Variants in INSIG2 observed in about 807,000 individuals in gnomAD.
INSIG2 encodes the protein insulin-induced gene 2 protein.
In INSIG2, 10 loss-of-function variants were observed where a neutral mutation model predicts 27.2. The observed-to-expected ratio is 0.37, with a 90% confidence interval of 0.23 to 0.62. INSIG2 has a LOEUF of 0.62. Among genes scored for constraint, INSIG2 ranks in the 20% least tolerant of loss-of-function variants. The pLI is 0.65. For synonymous variants in INSIG2, 97 were observed against 95.8 expected (o/e 1.01, Z -0.07); for missense variants, 178 against 270.2 (o/e 0.66, Z 2.39).
Position 118,110,654 on chromosome 2 carries a change from T to C in INSIG2, c.*2332T>C, listed in dbSNP as rs139239474. 1.1e-4 allele frequency: 16 copies of C among 152,358 alleles called. No homozygotes were observed. In the East Asian group the frequency reaches 2.9e-3, roughly 28 times the overall value. 9.4% of individuals were successfully genotyped at this position (152,358 alleles called of 1,614,324 possible). A position where few individuals can be genotyped will look rare whatever the true frequency, so the allele number is the denominator to read the frequency against. ...CAAAAAATAAAATTGTTTTGAAATT[T>C]TGATAAATATATAAATGTATAGAAC... is the stretch of plus-strand genomic sequence containing the variant. On this transcript the variant is annotated 3_prime_UTR_variant, in exon 6 of 6. Coordinates refer to ENST00000245787, the MANE Select transcript of INSIG2 (RefSeq NM_016133.4).
chr2:118,088,855 T>TG (rs1216504056), intron 1 of INSIG2, among the ~76,000 whole-genome samples: 1 of 152,074 alleles, frequency 6.6e-6, no homozygotes, highest in Non-Finnish European at 1.5e-5. Context: ...GGCGACCCAA[T>TG]GGTCTGATGA....
intron 2 of INSIG2, among the ~76,000 whole-genome samples, chr2:118,101,590 G>A (rs1195819873): frequency 6.6e-6 from 1 of 152,032 alleles, no homozygotes. Flanking sequence ...GGATGGGGGT[G>A]ACAAATGAGC....
rs552254676 is a variant in INSIG2 at position 118,103,118 on chromosome 2, G to A, written c.245-79G>A. 5 of 1,101,416 alleles carry A rather than the reference G, an allele frequency of 4.5e-6. No homozygotes were observed. The Admixed American group carries it at 9.5e-5, about 21-fold the overall frequency. 68.2% of individuals were successfully genotyped at this position (1,101,416 alleles called of 1,614,324 possible). On this transcript the variant is annotated intron_variant, in intron 2 of 5. Transcript: ENST00000245787. ...TAAGAATCTTTAAAATGCTTGTGGT[G>A]GTTGTAGTGATTCTTTTAGCTTAAG...
rs1266127049 is a variant in INSIG2, at chr2:118,110,849, T to C, written c.*2527T>C. The C allele has an allele frequency of 6.6e-6, 1 of 152,208 alleles. No individual in the cohort carries two copies. The allele number at this position is 152,208 out of a possible 1,614,324, so 9.4% of individuals were successfully genotyped here. A position where few individuals can be genotyped will look rare whatever the true frequency, so the allele number is the denominator to read the frequency against. ...ATTAGCCAGAGCCCTGCTAAAACTT[T>C]TAATGTAAAATTTATTTATTTGCAC... On this transcript the variant is annotated 3_prime_UTR_variant, in exon 6 of 6. Transcript: ENST00000245787.
chr2:118,107,007 C>A, intron 4 of INSIG2, 83 bp from the exon 5 acceptor site: 1 of 1,481,656 alleles, frequency 6.7e-7, no homozygotes, highest in Non-Finnish European at 9.4e-7. Context: ...GTTTAATCTA[C>A]AGAGTAGTTT....
At chr2:118,094,389 G>GATGATGATGATGATGAT (rs58844046) in intron 1 of INSIG2, among the ~76,000 whole-genome samples, 11 of 148,148 alleles carry the variant, frequency 7.4e-5, no homozygotes, top group African/African-American at 2.3e-4. Context: ...TGATGATGAT[G>GATGATGATGATGATGAT]GAGAGTTCTG....
At chr2:118,101,304 T>G (rs1029550224) in intron 2 of INSIG2, among the ~76,000 whole-genome samples, 1 of 152,212 alleles carries the variant, frequency 6.6e-6, no homozygotes, top group Non-Finnish European at 1.5e-5. Flanking sequence ...GGATTTGATT[T>G]TTATTGGCAA....
intron 2 of INSIG2, chr2:118,102,579 C>T (rs1678573167): frequency 1.3e-5 from 2 of 152,386 alleles, no homozygotes; most frequent in African/African-American, 4.8e-5. Flanking sequence ...ACAATATGAC[C>T]TACAGCCTCA....
In INSIG2 at chr2:118,110,557, G is replaced by A. The variant is rs544192025; in HGVS notation, c.*2235G>A. ...TCAAGGGTCAACTGTGTGTGGTATC[G>A]GTGAGACTGAATGATTATCGTTGGT... On this transcript the variant is annotated 3_prime_UTR_variant, in exon 6 of 6. Coordinates refer to ENST00000245787, the MANE Select transcript of INSIG2 (RefSeq NM_016133.4). The A allele has an allele frequency of 2.8e-4, 43 of 152,168 alleles. No individual in the cohort carries two copies. The highest frequency in any genetic ancestry group is 2.3e-3 in the South Asian group (11 of 4,804). The allele number at this position is 152,168 out of a possible 1,614,324, so 9.4% of individuals were successfully genotyped here.
chr2:118,094,463 A>G (rs960642478), intron 1 of INSIG2, among the ~76,000 whole-genome samples: 3 of 152,340 alleles, frequency 2.0e-5, no homozygotes, highest in African/African-American at 7.2e-5. Context: ...TGGATTCCAC[A>G]GCAAGGAATG....
At chr2:118,089,312 A>G (rs2104516884) in intron 1 of INSIG2, among the ~76,000 whole-genome samples, 1 of 152,308 alleles carries the variant, frequency 6.6e-6, no homozygotes, top group Non-Finnish European at 1.5e-5. Flanking sequence ...TATACCATGA[A>G]GAACTTGCTG....
chr2:118,103,081 T>TG, intron 2 of INSIG2, 116 bp from the exon 3 acceptor site: 3 of 553,394 alleles, frequency 5.4e-6, no homozygotes, highest in African/African-American at 2.1e-5. Flanking sequence ...TTTTTTTTTG[T>TG]TTTTTTTTTT....
chr2:118,096,935 C>T lies in INSIG2; in HGVS notation c.244+135C>T, dbSNP rs555525394. 285 of 968,138 alleles carry T rather than the reference C, an allele frequency of 2.9e-4. 1 individual carries two copies. Among genetic ancestry groups the T allele is most frequent in the Middle Eastern group, 1.4e-3 (4 of 2,944 alleles). The allele number at this position is 968,138 out of a possible 1,614,324, so 60.0% of individuals were successfully genotyped here. A position where few individuals can be genotyped will look rare whatever the true frequency, so the allele number is the denominator to read the frequency against. On this transcript the variant is annotated intron_variant, in intron 2 of 5. Transcript: ENST00000245787. The stretch of plus-strand genomic sequence containing the variant: ...TAATTTAGGTATAATACACTGGACC[C>T]GTTTGAATTGAACAACTTGATGTGT...
intron 2 of INSIG2, among the ~76,000 whole-genome samples, chr2:118,097,640 T>C (rs1056268475): frequency 6.6e-6 from 1 of 152,206 alleles, no homozygotes; most frequent in African/African-American, 2.4e-5. Flanking sequence ...TAGTGTTTTC[T>C]AATGACCAAG....
rs897140809 is a variant in INSIG2 at position 118,110,569 on chromosome 2, T to C, written c.*2247T>C. 4 of 152,152 alleles carry C rather than the reference T, an allele frequency of 2.6e-5. No homozygotes were observed. The highest frequency in any genetic ancestry group is 9.7e-5 in the African/African-American group (4 of 41,436). 9.4% of individuals were successfully genotyped at this position (152,152 alleles called of 1,614,324 possible). A position where few individuals can be genotyped will look rare whatever the true frequency, so the allele number is the denominator to read the frequency against. On this transcript the variant is annotated 3_prime_UTR_variant, in exon 6 of 6. Transcript: ENST00000245787. ...TGTGTGTGGTATCGGTGAGACTGAA[T>C]GATTATCGTTGGTGTTCTTAAATTA...
Position 118,106,784 on chromosome 2 carries a change from A to C in INSIG2, c.417A>C (p.Ala139=). Residue 139 remains alanine (A), a synonymous_variant, in exon 4 of 6, where the codon GCA becomes GCC. Transcript: ENST00000245787. The part of the protein sequence containing the change: ...NNIQLSLTLA[A]LSIGLWWTFD... ...TACAGTTGTCTCTCACACTGGCTGCACTATCCATTGGACTGTGGTGGACTT... is the reference window on the plus strand; with the variant it reads ...TACAGTTGTCTCTCACACTGGCTGCCCTATCCATTGGACTGTGGTGGACTT... The C allele has an allele frequency of 1.2e-6, 2 of 1,614,116 alleles. No homozygotes were observed. Among genetic ancestry groups the C allele is most frequent in the South Asian group, 1.1e-5 (1 of 91,084 alleles).
At chr2:118,099,950 C>T (rs17047750) in intron 2 of INSIG2, among the ~76,000 whole-genome samples, 37,468 of 152,080 alleles carry the variant, frequency 0.25, 4,763 homozygotes, top group African/African-American at 0.28. Flanking sequence ...GATGGCCTCT[C>T]TCTGGTACAA....
rs148735009 is a variant in INSIG2, at chr2:118,107,093, T to C, written c.540T>C (p.Tyr180=). The C allele has an allele frequency of 2.3e-4, 373 of 1,602,080 alleles. No homozygotes were observed. The highest frequency in any genetic ancestry group is 2.1e-4 in the Non-Finnish European group (240 of 1,169,516). The change falls in exon 5 of 6, where the codon TAT becomes TAC. Residue 180 remains tyrosine, a synonymous_variant. Coordinates refer to ENST00000245787, the MANE Select transcript of INSIG2 (RefSeq NM_016133.4). ...QLLVYNGVYQ[Y]TSPDFLYVRS... Reference sequence around the variant, plus strand: ...AAAGACATGTCTGTTATTCTAGATATACATCTCCAGATTTCCTCTATGTTC... The same window carrying C: ...AAAGACATGTCTGTTATTCTAGATACACATCTCCAGATTTCCTCTATGTTC...
intron 1 of INSIG2, among the ~76,000 whole-genome samples, chr2:118,089,863 G>A (rs1678185014): frequency 6.6e-6 from 1 of 152,186 alleles, no homozygotes; most frequent in Admixed American, 6.5e-5. Context: ...CGAAACGATG[G>A]AGTAACTTTT....
Sources: allele counts gnomAD v4.1 joint callset (sites outside exome capture counted in the v4.1 genomes callset), GRCh38; gene constraint gnomAD v4.1.1; transcripts MANE v1.5; gene names NCBI Gene and HGNC (gene_info 2026-07-23, HGNC 2026-07-21).